Variants in TAF1 observed in about 807,000 individuals in gnomAD.
TAF1 encodes the protein transcription initiation factor TFIID subunit 1.
A neutral mutation model predicts 138.5 loss-of-function variants in TAF1; 2 were observed. The ratio of observed to expected loss-of-function variants is 0.01; its 90% CI spans 0.01 to 0.05. The LOEUF (loss-of-function observed/expected upper bound fraction) is 0.05. Among genes scored for constraint, TAF1 ranks in the 10% least tolerant of loss-of-function variants. The pLI is 1.00. For missense variants in TAF1, 709 were observed against 1,478.0 expected (o/e 0.48, Z 8.53); for synonymous variants, 437 against 503.2 (o/e 0.87, Z 1.76).
At chrX:71,424,899 A>C (rs776939817) in intron 32 of TAF1, among the ~76,000 whole-genome samples, 4 of 112,389 alleles carry the variant, frequency 3.6e-5, no homozygotes, top group Middle Eastern at 4.2e-3. Context: ...TGCTGGGATT[A>C]CAGGCGTGAG....
chrX:71,489,606 G>A (rs1038942511), intron 13 of TAF1, among the ~76,000 whole-genome samples: 1 of 109,357 alleles, frequency 9.1e-6, no homozygotes, highest in Non-Finnish European at 1.9e-5. Context: ...AACCAAGGAG[G>A]AGGAGGTTGC....
At chrX:71,456,504 T>C (rs2038287056) in intron 34 of TAF1, among the ~76,000 whole-genome samples, 1 of 110,974 alleles carries the variant, frequency 9.0e-6, no homozygotes, top group Non-Finnish European at 1.9e-5. Context: ...GTCCTTACTT[T>C]ACTTACATTA....
At chrX:71,380,445 T>G (rs1158332915) in intron 8 of TAF1, among the ~76,000 whole-genome samples, 1 of 111,215 alleles carries the variant, frequency 9.0e-6, no homozygotes, top group Non-Finnish European at 1.9e-5. Flanking sequence ...AATTATTATT[T>G]TTTGTAGAGG....
intron 13 of TAF1, among the ~76,000 whole-genome samples, chrX:71,510,603 G>A (rs1165004044): frequency 8.9e-6 from 1 of 112,114 alleles, no homozygotes; most frequent in African/African-American, 3.2e-5. Flanking sequence ...TTAACATGTG[G>A]TATTTCAGGT....
At chrX:71,484,149 C>T (rs940873753) in intron 13 of TAF1, among the ~76,000 whole-genome samples, 1 of 110,055 alleles carries the variant, frequency 9.1e-6, no homozygotes, top group Non-Finnish European at 1.9e-5. Flanking sequence ...GGATTATAGG[C>T]GTGAGCCAGC....
intron 13 of TAF1, among the ~76,000 whole-genome samples, chrX:71,514,557 T>C (rs769086791): frequency 9.2e-6 from 1 of 108,641 alleles, no homozygotes; most frequent in Non-Finnish European, 1.9e-5. Flanking sequence ...ACACTGGGGT[T>C]ATAGATGTTA....
At chrX:71,519,468 C>A (rs1329769546) in intron 13 of TAF1, among the ~76,000 whole-genome samples, 1 of 105,933 alleles carries the variant, frequency 9.4e-6, no homozygotes, top group East Asian at 3.0e-4. Flanking sequence ...ATGGTGAAAC[C>A]CCGTCTCTAC....
intron 13 of TAF1, among the ~76,000 whole-genome samples, chrX:71,519,941 G>C (rs981038641): frequency 1.1e-4 from 12 of 107,434 alleles, no homozygotes; most frequent in Non-Finnish European, 1.9e-4. Context: ...GAGTAGCTGG[G>C]ATTACAGGTG....
chrX:71,518,841 G>GCGTGCCACCATGCC (rs1294676635), intron 13 of TAF1, among the ~76,000 whole-genome samples: 2 of 105,355 alleles, frequency 1.9e-5, no homozygotes, highest in African/African-American at 6.9e-5. Context: ...AACTACAGGC[G>GCGTGCCACCATGCC]CGTGCCACCA....
intron 16 of TAF1, 48 bp downstream of exon 16, chrX:71,388,426 A>G: frequency 8.5e-7 from 1 of 1,179,395 alleles, no homozygotes; most frequent in Non-Finnish European, 1.1e-6. Context: ...CAAGAAAAGA[A>G]TTTTGATGGC....
chrX:71,483,151 CTTTTTTT>C (rs35875629), intron 13 of TAF1, among the ~76,000 whole-genome samples: 6 of 74,938 alleles, frequency 8.0e-5, no homozygotes, highest in Admixed American at 1.6e-4. Flanking sequence ...TTTTTCTTTT[CTTTTTTT>C]TTTTTTTTTT....
chrX:71,452,807 C>T (rs2038080142), intron 32 of TAF1, among the ~76,000 whole-genome samples: 1 of 112,337 alleles, frequency 8.9e-6, no homozygotes, highest in Admixed American at 9.4e-5. Flanking sequence ...GTCTGCAATC[C>T]CGGCACCTCG....
chrX:71,447,347 C>T (rs1007527180), intron 32 of TAF1, among the ~76,000 whole-genome samples: 1 of 110,736 alleles, frequency 9.0e-6, no homozygotes, highest in Non-Finnish European at 1.9e-5. Flanking sequence ...CCCCTCTTCT[C>T]CTTGGTGCCC....
intron 18 of TAF1, among the ~76,000 whole-genome samples, chrX:71,390,937 G>A (rs948479418): frequency 4.5e-5 from 5 of 109,920 alleles, no homozygotes; most frequent in African/African-American, 6.6e-5. Flanking sequence ...GGAGGTTGCC[G>A]GGAGCTGAGA....
At chrX:71,386,382 T>A (rs1435571550) in intron 14 of TAF1, among the ~76,000 whole-genome samples, 1 of 111,755 alleles carries the variant, frequency 8.9e-6, no homozygotes, top group Non-Finnish European at 1.9e-5. Context: ...TGTTCAGCTG[T>A]CCTCTGTCCT....
Position 71,522,965 on chromosome X carries a change from TG to T in TAF1, c.1367-5576del, listed in dbSNP as rs1276509388. 9.1e-5 allele frequency among the ~76,000 whole-genome samples: 10 copies of T among 109,382 alleles called. No homozygotes were observed. The East Asian group carries it at 1.7e-3, about 19-fold the overall frequency. 95.0% of individuals were successfully genotyped at this position (109,382 alleles called of 115,157 possible). On this transcript the variant is annotated intron_variant and NMD_transcript_variant, in intron 13 of 14. Transcript: ENST00000373775. Reference sequence around the variant, plus strand: ...GGGAGGCCGAGGCAAGGAGATCACCTGAGCTCAGGAGTTCAAGACCAGCCTG... The same window carrying T: ...GGGAGGCCGAGGCAAGGAGATCACCTAGCTCAGGAGTTCAAGACCAGCCTG...
At position 71,385,163 on chromosome X, in the gene TAF1, G is replaced by A. The variant is rs1203080597; in HGVS notation, c.2226+114G>A. On this transcript the variant is annotated intron_variant, in intron 14 of 37. Transcript: ENST00000423759. ...GTTGATTGAGATGCTTTAATTTTAAGTACAAAGAAAATAAGTATAATCCAA... is the reference window on the plus strand; with the variant it reads ...GTTGATTGAGATGCTTTAATTTTAAATACAAAGAAAATAAGTATAATCCAA... The A allele has an allele frequency of 5.6e-6, 3 of 537,103 alleles. No individual in the cohort carries two copies. The East Asian group carries it at 1.1e-4, about 20-fold the overall frequency. The allele number at this position is 537,103 out of a possible 1,213,427, so 44.3% of individuals were successfully genotyped here.
intron 13 of TAF1, among the ~76,000 whole-genome samples, chrX:71,482,721 G>A (rs2039092898): frequency 9.0e-6 from 1 of 111,682 alleles, no homozygotes; most frequent in African/African-American, 3.3e-5. Flanking sequence ...TGGGGTGGCT[G>A]TGGCAATATT....
chrX:71,468,469 C>T (rs1476311125), downstream of TAF1, among the ~76,000 whole-genome samples: 10 of 108,363 alleles, frequency 9.2e-5, no homozygotes, highest in African/African-American at 3.4e-4. Context: ...GGGCGGATCA[C>T]AAGGTCAGGA....
Sources: gnomAD v4.1 joint callset for allele counts (sites outside exome capture counted in the v4.1 genomes callset) on GRCh38, gnomAD v4.1.1 for gene constraint, MANE v1.5 for transcripts, NCBI Gene and HGNC (gene_info 2026-07-23, HGNC 2026-07-21) for gene names.